Variants in LNPK observed in about 807,000 individuals in gnomAD.
LNPK encodes the protein endoplasmic reticulum junction formation protein lunapark.
LNPK carries 29 observed loss-of-function variants against 55.2 expected under a neutral mutation model. The ratio of observed to expected loss-of-function variants is 0.53; its 90% confidence interval spans 0.39 to 0.72. The LOEUF is 0.72. Among genes scored for constraint, LNPK ranks in the 30% least tolerant of loss-of-function variants. LNPK has a pLI of 0.00. For synonymous variants in LNPK, 162 were observed against 168.2 expected (o/e 0.96, Z 0.29); for missense variants, 467 against 494.8 (o/e 0.94, Z 0.53).
intron 8 of LNPK, among the ~76,000 whole-genome samples, chr2:175,957,779 G>T (rs562478911): frequency 7.4e-4 from 112 of 152,310 alleles, no homozygotes; most frequent in African/African-American, 2.4e-3. Flanking sequence ...GAAGTGCAAG[G>T]AGTCAGGAGA....
chr2:175,929,121 G>C lies in LNPK; in HGVS notation c.*846C>G. On this transcript the variant is annotated 3_prime_UTR_variant, in exon 13 of 13. Transcript: ENST00000272748. ...ACTAGATATTTAGCAAAATGAAACT[G>C]ATGCCAGATTATTTTCATTTTCCTT... 3 of 984,888 alleles carry C rather than the reference G, an allele frequency of 3.0e-6. No homozygotes were observed. Among genetic ancestry groups the C allele is most frequent in the Non-Finnish European group, 3.6e-6 (3 of 829,292 alleles). 61.0% of individuals were successfully genotyped at this position (984,888 alleles called of 1,614,324 possible). A position where few individuals can be genotyped will look rare whatever the true frequency, so the allele number is the denominator to read the frequency against.
At chr2:175,997,024 A>G (rs1489982154) in intron 1 of LNPK, among the ~76,000 whole-genome samples, 2 of 152,210 alleles carry the variant, frequency 1.3e-5, no homozygotes, top group Admixed American at 1.3e-4. Context: ...ATAAACGTAA[A>G]CACAAAATAA....
At chr2:175,963,190 C>A (rs1307981657) in intron 8 of LNPK, among the ~76,000 whole-genome samples, 1 of 151,112 alleles carries the variant, frequency 6.6e-6, no homozygotes, top group African/African-American at 2.4e-5. Flanking sequence ...TTTGACCCAG[C>A]CATCCCATTA....
At chr2:175,948,396 G>C (rs1349279706) in intron 8 of LNPK, among the ~76,000 whole-genome samples, 2 of 152,190 alleles carry the variant, frequency 1.3e-5, no homozygotes, top group Admixed American at 1.3e-4. Context: ...ACACAGGCCA[G>C]TTCTTTTGTT....
intron 6 of LNPK, among the ~76,000 whole-genome samples, chr2:175,969,678 C>A (rs956073028): frequency 6.6e-6 from 1 of 152,186 alleles, no homozygotes; most frequent in African/African-American, 2.4e-5. Flanking sequence ...ATCACTGACA[C>A]CATCAGTATT....
In LNPK at chr2:175,930,197, A is replaced by G. The variant is rs1684202138; in HGVS notation, c.1057T>C (p.Ser353Pro). The change falls in exon 13 of 13, where the codon TCT becomes CCT. Residue 353 changes from serine (S) to proline (P), a missense_variant and splice_region_variant. Ser to Pro is a moderately conservative substitution (Grantham distance 74). Coordinates refer to ENST00000272748, the MANE Select transcript of LNPK (RefSeq NM_030650.3). Reference protein sequence around the residue: ...LSSDNQFNEESLEHDVLDDNT... With the variant: ...LSSDNQFNEEPLEHDVLDDNT... Reference sequence around the variant, plus strand: ...TCATCAAGAACATCGTGTTCTAAAGATTCTGAAAAGATAAAGATTCAAAAC... The same window carrying G: ...TCATCAAGAACATCGTGTTCTAAAGGTTCTGAAAAGATAAAGATTCAAAAC... The G allele has an allele frequency of 6.2e-7, 1 of 1,610,702 alleles. No homozygotes were observed.
At chr2:175,945,289 C>T (rs1220574872) in intron 9 of LNPK, among the ~76,000 whole-genome samples, 1 of 150,680 alleles carries the variant, frequency 6.6e-6, no homozygotes, top group Non-Finnish European at 1.5e-5. Flanking sequence ...GTGGGCAGAT[C>T]ACCTGAGGTC....
intron 5 of LNPK, among the ~76,000 whole-genome samples, chr2:175,972,327 A>AT (rs1029738668): frequency 6.3e-4 from 95 of 150,428 alleles, no homozygotes; most frequent in African/African-American, 1.5e-3. Flanking sequence ...TCAGATTTCA[A>AT]TTTTTTTTTT....
In LNPK at chr2:175,926,589, G is replaced by C. The variant is rs1559014814; in HGVS notation, c.*3378C>G. ...CTCTACAACTCAGCTTTCTCTTCTA[G>C]TAGTCCAAAGATAAAAATCTTCACA... On this transcript the variant is annotated 3_prime_UTR_variant, in exon 13 of 13. Transcript: ENST00000272748. The C allele has an allele frequency of 6.6e-6, 1 of 152,148 alleles. No individual in the cohort carries two copies. Among genetic ancestry groups the C allele is most frequent in the Non-Finnish European group, 1.5e-5 (1 of 68,038 alleles). The allele number at this position is 152,148 out of a possible 1,614,324, so 9.4% of individuals were successfully genotyped here. A position where few individuals can be genotyped will look rare whatever the true frequency, so the allele number is the denominator to read the frequency against.
chr2:175,996,524 A>C (rs2028986), intron 1 of LNPK, among the ~76,000 whole-genome samples: 140,324 of 152,212 alleles, frequency 0.92, 65,160 homozygotes, highest in East Asian at 1. Context: ...TTAATAATAC[A>C]ACCACTTTCT....
intron 8 of LNPK, among the ~76,000 whole-genome samples, chr2:175,951,967 T>A (rs1032069970): frequency 6.6e-6 from 1 of 152,056 alleles, no homozygotes; most frequent in African/African-American, 2.4e-5. Flanking sequence ...TGGTTTTGAT[T>A]TGCATTTCCC....
Position 175,937,327 on chromosome 2 carries a change from G to A in LNPK, c.1054+17C>T. ...ACACATGTTATTAAGGGGCAAAACT[G>A]TTTAACATATTCATACCTTCATTAA... On this transcript the variant is annotated intron_variant, in intron 12 of 12. Transcript: ENST00000272748. 6.2e-7 allele frequency: 1 copy of A among 1,607,166 alleles called. No individual in the cohort carries two copies. The highest frequency in any genetic ancestry group is 8.5e-7 in the Non-Finnish European group (1 of 1,176,576).
intron 5 of LNPK, among the ~76,000 whole-genome samples, chr2:175,978,167 A>AAT (rs1686998875): frequency 6.6e-6 from 1 of 152,214 alleles, no homozygotes; most frequent in African/African-American, 2.4e-5. Context: ...AAAAATTAAA[A>AAT]ATAACAACAA....
chr2:175,938,327 T>A lies in LNPK; in HGVS notation c.869A>T (p.Glu290Val). The A allele has an allele frequency of 6.3e-7, 1 of 1,589,918 alleles. No homozygotes were observed. The highest frequency in any genetic ancestry group is 8.6e-7 in the Non-Finnish European group (1 of 1,159,778). ...ATAATTCTTACCAATGTATTCAAAT[T>A]CTTCCTTCAAAGCCATGCCATTATG... The part of the protein sequence containing the change: ...FSHNGMALKE[E>V]FEYIAFRCAY... The change falls in exon 11 of 13, where the codon GAA becomes GTA. Residue 290 changes from glutamate to valine, a missense_variant. Physicochemically the swap from Glu to Val is moderately radical, Grantham distance 121. Coordinates refer to ENST00000272748, the MANE Select transcript of LNPK (RefSeq NM_030650.3).
At chr2:175,990,058 C>T (rs1687626452) in intron 4 of LNPK, among the ~76,000 whole-genome samples, 4 of 152,312 alleles carry the variant, frequency 2.6e-5, no homozygotes, top group East Asian at 3.9e-4. Context: ...AAACAACATA[C>T]TTTATTGCCC....
rs1311797368 is a variant in LNPK, at chr2:175,939,544, A to G, written c.812+8T>C. ...TTTTCATTTATCTACCACCTTAGTA[A>G]ATATTACCTGTTTTGTGGACCATCA... On this transcript the variant is annotated splice_region_variant and intron_variant, in intron 10 of 12. Coordinates refer to ENST00000272748, the MANE Select transcript of LNPK (RefSeq NM_030650.3). 1.4e-6 allele frequency: 2 copies of G among 1,428,122 alleles called. No homozygotes were observed. The highest frequency in any genetic ancestry group is 1.2e-5 in the South Asian group (1 of 86,040). 88.5% of individuals were successfully genotyped at this position (1,428,122 alleles called of 1,614,324 possible). A position where few individuals can be genotyped will look rare whatever the true frequency, so the allele number is the denominator to read the frequency against.
chr2:175,933,153 A>G (rs767041780), intron 12 of LNPK, among the ~76,000 whole-genome samples: 5 of 152,080 alleles, frequency 3.3e-5, no homozygotes, highest in African/African-American at 4.8e-5. Flanking sequence ...AATATTCTTG[A>G]GATATTATTA....
At chr2:175,995,433 G>C in intron 2 of LNPK, 125 bp downstream of exon 2, 1 of 613,324 alleles carries the variant, frequency 1.6e-6, no homozygotes, top group East Asian at 3.1e-5. Context: ...CAAAAGAGAA[G>C]AAAAAAGTTA....
intron 2 of LNPK, among the ~76,000 whole-genome samples, chr2:175,993,542 C>T (rs4531906): frequency 1.3e-5 from 2 of 152,006 alleles, no homozygotes; most frequent in African/African-American, 4.8e-5. Context: ...TGGCCACGCA[C>T]GGTGGCTCAC....
Sources: allele counts gnomAD v4.1 joint callset (sites outside exome capture counted in the v4.1 genomes callset), GRCh38; gene constraint gnomAD v4.1.1; transcripts MANE v1.5; gene names NCBI Gene and HGNC (gene_info 2026-07-23, HGNC 2026-07-21).